PLCL1: variants seen among roughly 807,000 people sequenced by gnomAD.
PLCL1 encodes the protein phospholipase C like 1 (inactive).
Under a neutral mutation model 84.4 loss-of-function variants are expected in PLCL1, and 41 were observed. That is an observed-to-expected ratio of 0.49 (90% CI 0.38 to 0.63). The LOEUF (loss-of-function observed/expected upper bound fraction) is 0.63. Ranked by LOEUF, PLCL1 falls within the 30% of genes least tolerant of loss-of-function variation. The pLI is 0.00. For missense variants in PLCL1, 1,206 were observed against 1,367.8 expected (o/e 0.88, Z 1.87); for synonymous variants, 490 against 488.3 (o/e 1.00, Z -0.05).
At chr2:198,071,991 A>G (rs1465104213) in intron 1 of PLCL1, among the ~76,000 whole-genome samples, 1 of 151,904 alleles carries the variant, frequency 6.6e-6, no homozygotes, top group Non-Finnish European at 1.5e-5. Context: ...TTTGTTATTT[A>G]AAATGCCTCT....
At chr2:197,853,111 G>A (rs757493145) in intron 1 of PLCL1, among the ~76,000 whole-genome samples, 8 of 151,970 alleles carry the variant, frequency 5.3e-5, no homozygotes, top group Non-Finnish European at 1.0e-4. Context: ...AAATGGAATC[G>A]TACAATATTT....
chr2:197,960,646 A>C (rs1689598403), intron 1 of PLCL1, among the ~76,000 whole-genome samples: 1 of 152,126 alleles, frequency 6.6e-6, no homozygotes, highest in Non-Finnish European at 1.5e-5. Flanking sequence ...ACAATAATGG[A>C]GAAGCTTAGA....
At chr2:197,966,819 A>G (rs1689751343) in intron 1 of PLCL1, among the ~76,000 whole-genome samples, 1 of 147,736 alleles carries the variant, frequency 6.8e-6, no homozygotes, top group South Asian at 2.2e-4. Flanking sequence ...CTATTTGGCC[A>G]TCTTGCTCTG....
chr2:198,082,645 A>G (rs753217860), intron 1 of PLCL1, among the ~76,000 whole-genome samples: 1 of 152,122 alleles, frequency 6.6e-6, no homozygotes, highest in African/African-American at 2.4e-5. Flanking sequence ...AGAGACTAGT[A>G]TAAAGAAATA....
rs150564197 is a variant in PLCL1, at chr2:197,918,386, G to A, written c.240+113047G>A. ...TGGATGAGAGCCTGGAACAGAAAGA[G>A]GGCGTTAGGCAAAAACTAAGGAAAT... On this transcript the variant is annotated intron_variant, in intron 1 of 5. Transcript: ENST00000428675. Among the ~76,000 whole-genome samples the A allele has an allele frequency of 3.5e-3, 529 of 152,222 alleles. 4 individuals are homozygous for A. Among genetic ancestry groups the A allele is most frequent in the African/African-American group, 0.012 (491 of 41,522 alleles).
chr2:197,855,470 T>A (rs1687314640), intron 1 of PLCL1, among the ~76,000 whole-genome samples: 1 of 152,220 alleles, frequency 6.6e-6, no homozygotes, highest in South Asian at 2.1e-4. Context: ...TAAGCCTTTT[T>A]CTTGTTCCTT....
intron 1 of PLCL1, among the ~76,000 whole-genome samples, chr2:197,997,548 G>A (rs911877531): frequency 6.6e-6 from 1 of 152,150 alleles, no homozygotes; most frequent in African/African-American, 2.4e-5. Flanking sequence ...CACCCAAAGA[G>A]GCCTTTTCAT....
At chr2:198,090,710 A>C (rs1395927115) in intron 3 of PLCL1, among the ~76,000 whole-genome samples, 1 of 152,240 alleles carries the variant, frequency 6.6e-6, no homozygotes, top group African/African-American at 2.4e-5. Context: ...GAATAGGTAT[A>C]ATTGCCATCT....
At chr2:197,888,267 T>G (rs1687956817) in intron 1 of PLCL1, among the ~76,000 whole-genome samples, 1 of 152,202 alleles carries the variant, frequency 6.6e-6, no homozygotes, top group African/African-American at 2.4e-5. Context: ...TTTTTTTAAT[T>G]TGTAAAGATT....
chr2:197,929,177 A>G (rs1341127010), intron 1 of PLCL1, among the ~76,000 whole-genome samples: 7 of 152,166 alleles, frequency 4.6e-5, no homozygotes, highest in Non-Finnish European at 7.4e-5. Context: ...GTTATACTGT[A>G]CTGAACGATT....
At chr2:197,906,820 T>C (rs1384853157) in intron 1 of PLCL1, among the ~76,000 whole-genome samples, 1 of 152,172 alleles carries the variant, frequency 6.6e-6, no homozygotes, top group Non-Finnish European at 1.5e-5. Flanking sequence ...ATTCTGTTTG[T>C]AGCAATTGTG....
At chr2:197,949,661 A>G (rs1574964453) in intron 1 of PLCL1, among the ~76,000 whole-genome samples, 1 of 152,124 alleles carries the variant, frequency 6.6e-6, no homozygotes, top group Admixed American at 6.5e-5. Context: ...TAAGGAGGTA[A>G]ACAGAGGGAA....
chr2:197,913,796 T>A (rs762364335), intron 1 of PLCL1, among the ~76,000 whole-genome samples: 6 of 152,102 alleles, frequency 3.9e-5, no homozygotes, highest in Non-Finnish European at 8.8e-5. Flanking sequence ...CAAACTATGG[T>A]AGTTTAGGGT....
rs180845017 is a variant in PLCL1 at position 197,904,487 on chromosome 2, C to A, written c.240+99148C>A. On this transcript the variant is annotated intron_variant, in intron 1 of 5. Transcript: ENST00000428675. ...TGGCTTAATGGATAGTCACAGATTT[C>A]CTTTATTGGTTTTTTCTTGGCAATA... 3.5e-3 allele frequency among the ~76,000 whole-genome samples: 528 copies of A among 152,214 alleles called. 4 individuals carry two copies. The highest frequency in any genetic ancestry group is 0.012 in the African/African-American group (490 of 41,528).
rs77945708 is a variant in PLCL1 at position 197,808,094 on chromosome 2, C to T, written c.240+2755C>T. Among the ~76,000 whole-genome samples, 857 of 152,242 alleles carry T rather than the reference C, an allele frequency of 5.6e-3. 13 individuals carry two copies. The highest frequency in any genetic ancestry group is 0.019 in the African/African-American group (801 of 41,548). On this transcript the variant is annotated intron_variant, in intron 1 of 5. Coordinates refer to ENST00000428675, the MANE Select transcript of PLCL1 (RefSeq NM_006226.4). The stretch of plus-strand genomic sequence containing the variant: ...TGTTTCTTCCCCACATATAACCAAT[C>T]CTAGGTTTAAAAACGTTCAATGTGA...
intron 4 of PLCL1, 65 bp downstream of exon 4, chr2:198,101,425 T>A: frequency 1.7e-5 from 15 of 889,924 alleles, no homozygotes; most frequent in Non-Finnish European, 2.5e-5. Context: ...ATAATAATTC[T>A]TGGTAGATTT....
chr2:198,085,811 G>A lies in PLCL1; in HGVS notation c.2294G>A (p.Arg765Lys). ...ATTCCAGCGGATTGTTCGGAACAAAGAACTAAAACTGTACAGCAAAACAGT... is the reference window on the plus strand; with the variant it reads ...ATTCCAGCGGATTGTTCGGAACAAAAAACTAAAACTGTACAGCAAAACAGT... ...HGIPADCSEQ[R>K]TKTVQQNSDN... Residue 765 changes from arginine (R) to lysine (K), a missense_variant, in exon 2 of 6, where the codon AGA (arginine) becomes AAA (lysine). Transcript: ENST00000428675. The surrounding 1 kb of genome is among the most constrained non-coding windows in gnomAD (Gnocchi z 5.3). 2 of 1,614,120 alleles carry A rather than the reference G, an allele frequency of 1.2e-6. No homozygotes were observed. Among genetic ancestry groups the A allele is most frequent in the South Asian group, 2.2e-5 (2 of 91,072 alleles).
At chr2:197,952,189 C>G (rs1057075262) in intron 1 of PLCL1, among the ~76,000 whole-genome samples, 1 of 152,108 alleles carries the variant, frequency 6.6e-6, no homozygotes, top group Non-Finnish European at 1.5e-5. Flanking sequence ...AGCCTCTTTT[C>G]TTCTCTGTGG....
chr2:197,887,083 T>C (rs1196909711), intron 1 of PLCL1, among the ~76,000 whole-genome samples: 4 of 152,332 alleles, frequency 2.6e-5, no homozygotes, highest in African/African-American at 7.2e-5. Flanking sequence ...CCTGCATCCT[T>C]AGTTCCATTC....
Sources: gnomAD v4.1 joint callset for allele counts (sites outside exome capture counted in the v4.1 genomes callset) on GRCh38, gnomAD v4.1.1 for gene constraint, Gnocchi (gnomAD v3.1) non-coding constraint, MANE v1.5 for transcripts, NCBI Gene and HGNC (gene_info 2026-07-23, HGNC 2026-07-21) for gene names.